Variants in RALYL observed in about 807,000 individuals in gnomAD.
The protein encoded by RALYL is RALY RNA binding protein like, also known as RNA-binding Raly-like protein.
RALYL carries 29 observed loss-of-function variants against 35.1 expected under a neutral mutation model. That is an observed-to-expected ratio of 0.83 (90% CI 0.61 to 1.13). The LOEUF (loss-of-function observed/expected upper bound fraction) is 1.13. Ranked by LOEUF, RALYL falls within the 50% of genes most tolerant of loss-of-function variation. The pLI is 0.00. For missense variants in RALYL, 359 were observed against 360.4 expected, an observed-to-expected ratio of 1.00 and a Z score of 0.03; for synonymous variants, 120 against 127.6, an observed-to-expected ratio of 0.94 and a Z score of 0.40.
chr8:84,397,704 G>A (rs1315156046), intron 1 of RALYL, among the ~76,000 whole-genome samples: 1 of 152,126 alleles, frequency 6.6e-6, no homozygotes, highest in Non-Finnish European at 1.5e-5. Flanking sequence ...TGAAAATTTA[G>A]GTGTTTCTTC....
intron 7 of RALYL, among the ~76,000 whole-genome samples, chr8:84,876,522 C>G (rs1316221785): frequency 2.6e-5 from 4 of 151,694 alleles, no homozygotes; most frequent in African/African-American, 9.7e-5. Context: ...ATGCTTTACG[C>G]AAAGATGTTA....
chr8:84,449,078 G>T (rs12548590), intron 1 of RALYL, among the ~76,000 whole-genome samples: 6,767 of 123,908 alleles, frequency 0.055, 259 homozygotes, highest in African/African-American at 0.12. Flanking sequence ...TAGTTTTTTT[G>T]TTTTTTTTTT....
chr8:84,816,870 T>G (rs1438813073), intron 4 of RALYL, among the ~76,000 whole-genome samples: 1 of 152,160 alleles, frequency 6.6e-6, no homozygotes, highest in Non-Finnish European at 1.5e-5. Context: ...AAATATCTCA[T>G]GTACCCCACA....
intron 1 of RALYL, among the ~76,000 whole-genome samples, chr8:84,370,245 AACTACT>A (rs1351937736): frequency 6.6e-6 from 1 of 152,082 alleles, no homozygotes; most frequent in East Asian, 1.9e-4. Context: ...TTTACAGGGG[AACTACT>A]ACTACTTACC....
At chr8:84,625,591 A>G (rs1157753841) in intron 2 of RALYL, among the ~76,000 whole-genome samples, 1 of 152,190 alleles carries the variant, frequency 6.6e-6, no homozygotes, top group Non-Finnish European at 1.5e-5. Flanking sequence ...TAACCTTCAT[A>G]GAGATCCCAT....
At chr8:84,389,217 T>C (rs764394937) in intron 1 of RALYL, among the ~76,000 whole-genome samples, 38 of 152,062 alleles carry the variant, frequency 2.5e-4, no homozygotes, top group Non-Finnish European at 4.6e-4. Context: ...TGTTTTGGTA[T>C]CAGTACCATG....
At chr8:84,683,087 AT>A (rs1835946670) in intron 2 of RALYL, among the ~76,000 whole-genome samples, 1 of 152,014 alleles carries the variant, frequency 6.6e-6, no homozygotes, top group Non-Finnish European at 1.5e-5. Flanking sequence ...CTCTGCCTTC[AT>A]TTTGTTATGT....
chr8:84,676,537 A>G (rs1834227961), intron 2 of RALYL, among the ~76,000 whole-genome samples: 1 of 152,172 alleles, frequency 6.6e-6, no homozygotes, highest in African/African-American at 2.4e-5. Context: ...CAATGAGTCC[A>G]TGAGATAACT....
chr8:84,436,165 G>T (rs930475103), intron 1 of RALYL, among the ~76,000 whole-genome samples: 2 of 152,178 alleles, frequency 1.3e-5, no homozygotes, highest in Admixed American at 1.3e-4. Context: ...ATTTGAAGAA[G>T]ATTAAATATT....
chr8:84,765,729 T>G (rs1024302631), intron 2 of RALYL, among the ~76,000 whole-genome samples: 2 of 151,998 alleles, frequency 1.3e-5, no homozygotes, highest in Non-Finnish European at 2.9e-5. Context: ...GGAACAGTAA[T>G]GAATCCCTAA....
At chr8:84,881,762 G>C (rs1842203493) in intron 7 of RALYL, among the ~76,000 whole-genome samples, 1 of 151,798 alleles carries the variant, frequency 6.6e-6, no homozygotes, top group African/African-American at 2.4e-5. Context: ...GATAGTCATT[G>C]TTTAGCTAAC....
At chr8:84,792,032 C>A (rs1452784610) in intron 3 of RALYL, among the ~76,000 whole-genome samples, 1 of 152,252 alleles carries the variant, frequency 6.6e-6, no homozygotes, top group African/African-American at 2.4e-5. Flanking sequence ...AAAGCAAGCA[C>A]CCCTGGTCTC....
chr8:84,321,201 C>T (rs563164323), intron 1 of RALYL, among the ~76,000 whole-genome samples: 15 of 152,100 alleles, frequency 9.9e-5, no homozygotes, highest in African/African-American at 2.9e-4. Flanking sequence ...ACAAAATGCA[C>T]GAGTGGGACT....
intron 1 of RALYL, among the ~76,000 whole-genome samples, chr8:84,318,255 T>C (rs1844143789): frequency 6.6e-6 from 1 of 152,176 alleles, no homozygotes; most frequent in South Asian, 2.1e-4. Context: ...GGCCCTGCTT[T>C]CCAACTTGTC....
intron 1 of RALYL, among the ~76,000 whole-genome samples, chr8:84,396,221 T>A (rs147790859): frequency 0.017 from 2,600 of 152,098 alleles, 73 homozygotes; most frequent in African/African-American, 0.059. Flanking sequence ...AAGAATAATA[T>A]CTATGGTCTA....
At chr8:84,584,345 C>A (rs887812498) in intron 2 of RALYL, among the ~76,000 whole-genome samples, 15 of 152,258 alleles carry the variant, frequency 9.9e-5, no homozygotes, top group Admixed American at 7.8e-4. Context: ...TGGCTCACAC[C>A]TGTAATCCCA....
chr8:84,516,475 A>G (rs1292377651), intron 1 of RALYL, among the ~76,000 whole-genome samples: 1 of 152,062 alleles, frequency 6.6e-6, no homozygotes, highest in Non-Finnish European at 1.5e-5. Context: ...TTTAAGCACT[A>G]CAGTTTGAAG....
At chr8:84,290,968 G>C (rs1397738744) in intron 1 of RALYL, among the ~76,000 whole-genome samples, 1 of 89,458 alleles carries the variant, frequency 1.1e-5, no homozygotes, top group Non-Finnish European at 2.2e-5. Flanking sequence ...ATATCTTTCA[G>C]ATCTCTTTTC....
At chr8:84,377,456 T>TTTTTTTGTTTGTTTGTTTG (rs1396573966) in intron 1 of RALYL, among the ~76,000 whole-genome samples, 2 of 144,302 alleles carry the variant, frequency 1.4e-5, no homozygotes, top group African/African-American at 5.4e-5. Context: ...TAACTGTTTT[T>TTTTTTTGTTTGTTTGTTTG]TTTTTTTTTT....
Sources: allele counts gnomAD v4.1 joint callset (sites outside exome capture counted in the v4.1 genomes callset), GRCh38; gene constraint gnomAD v4.1.1; transcripts MANE v1.5; gene names NCBI Gene and HGNC (gene_info 2026-07-23, HGNC 2026-07-21).